TDRP: variants seen among roughly 807,000 people sequenced by gnomAD.
TDRP encodes the protein testis development-related protein.
Under a neutral mutation model 10.5 loss-of-function variants are expected in TDRP, and 12 were observed. That is an observed-to-expected ratio of 1.15 (90% CI 0.73 to 1.86). The LOEUF (loss-of-function observed/expected upper bound fraction) is 1.86, where lower values mean the gene tolerates loss of function less well. TDRP is among the 40% of genes most tolerant of loss of function. TDRP has a pLI of 0.00. For synonymous variants in TDRP, 139 were observed against 95.4 expected (o/e 1.46, Z -2.67); for missense variants, 353 against 229.2 (o/e 1.54, Z -3.49).
rs36052358 is a variant in TDRP at position 494,130 on chromosome 8, A to ATT, written c.212+362_212+363dup. 1.5e-3 allele frequency among the ~76,000 whole-genome samples: 220 copies of ATT among 143,942 alleles called. 1 individual carries two copies. Among genetic ancestry groups the ATT allele is most frequent in the African/African-American group, 4.2e-3 (163 of 38,462 alleles). 94.4% of individuals were successfully genotyped at this position (143,942 alleles called of 152,430 possible). A position where few individuals can be genotyped will look rare whatever the true frequency, so the allele number is the denominator to read the frequency against. On this transcript the variant is annotated intron_variant, in intron 2 of 2. Coordinates refer to ENST00000324079, the MANE Select transcript of TDRP (RefSeq NM_001384899.1). ...TGCCACCATGTCCAGCTAATTTCTG[A>ATT]TTTTTTTTTTTTAGTATAGACGGGG...
intron 1 of TDRP, among the ~76,000 whole-genome samples, chr8:514,351 G>T (rs1454010305): frequency 6.6e-6 from 1 of 152,150 alleles, no homozygotes; most frequent in Non-Finnish European, 1.5e-5. Context: ...ACAATTCAAT[G>T]GGGAAAAAAT....
At position 491,663 on chromosome 8, in the gene TDRP, T is replaced by C. The variant is rs1353335847; in HGVS notation, c.*736A>G. ...CAACTGACTAAAATTGATCCATACT[T>C]CTTTAATCTGTAAACAAAAAAGAGA... On this transcript the variant is annotated 3_prime_UTR_variant, in exon 3 of 3. Coordinates refer to ENST00000324079, the MANE Select transcript of TDRP (RefSeq NM_001384899.1). 6.6e-7 allele frequency: 1 copy of C among 1,521,928 alleles called. No homozygotes were observed. Among genetic ancestry groups the C allele is most frequent in the African/African-American group, 1.4e-5 (1 of 72,308 alleles). 94.3% of individuals were successfully genotyped at this position (1,521,928 alleles called of 1,614,324 possible). A position where few individuals can be genotyped will look rare whatever the true frequency, so the allele number is the denominator to read the frequency against.
At chr8:507,538 G>GGTCAC (rs1801499998) in intron 1 of TDRP, among the ~76,000 whole-genome samples, 1 of 152,094 alleles carries the variant, frequency 6.6e-6, no homozygotes, top group African/African-American at 2.4e-5. Context: ...AGCTGCATGC[G>GGTCAC]GTCACGGACA....
At chr8:509,493 G>A (rs913182990) in intron 1 of TDRP, among the ~76,000 whole-genome samples, 2 of 152,204 alleles carry the variant, frequency 1.3e-5, no homozygotes, top group Non-Finnish European at 2.9e-5. Flanking sequence ...ATTGGGGCTT[G>A]CACACTCTGA....
chr8:530,730 A>G (rs1245182136), intron 1 of TDRP, among the ~76,000 whole-genome samples: 1 of 152,166 alleles, frequency 6.6e-6, no homozygotes, highest in African/African-American at 2.4e-5. Flanking sequence ...CAGCCCCCAG[A>G]CATCCAACAT....
At chr8:521,179 G>A (rs1209685606) in intron 1 of TDRP, among the ~76,000 whole-genome samples, 4 of 144,928 alleles carry the variant, frequency 2.8e-5, no homozygotes, top group Non-Finnish European at 5.9e-5. Flanking sequence ...GAGGCAGGCG[G>A]ATCATGAGGT....
intron 1 of TDRP, among the ~76,000 whole-genome samples, chr8:513,414 C>G (rs962046826): frequency 2.0e-5 from 3 of 152,096 alleles, no homozygotes; most frequent in Admixed American, 2.0e-4. Flanking sequence ...ATATAAGCAT[C>G]TCAATATATG....
rs1475117266 is a variant in TDRP, at chr8:509,122, G to A, written c.109-14525C>T. On this transcript the variant is annotated intron_variant, in intron 1 of 2. Coordinates refer to ENST00000324079, the MANE Select transcript of TDRP (RefSeq NM_001384899.1). Reference sequence around the variant, plus strand: ...CAGCTCCACCCCTGTGGCTTTGCAGGGTATGGCCCCCTGGCGCCAGCTGCT... The same window carrying A: ...CAGCTCCACCCCTGTGGCTTTGCAGAGTATGGCCCCCTGGCGCCAGCTGCT... Among the ~76,000 whole-genome samples, 4 of 152,358 alleles carry A rather than the reference G, an allele frequency of 2.6e-5. No homozygotes were observed. The East Asian group carries it at 7.7e-4, about 29-fold the overall frequency.
intron 1 of TDRP, among the ~76,000 whole-genome samples, chr8:533,316 G>A (rs1802257957): frequency 6.6e-6 from 1 of 152,154 alleles, no homozygotes; most frequent in Non-Finnish European, 1.5e-5. Context: ...AGCCTCATTG[G>A]GCTGCTCCCA....
intron 1 of TDRP, among the ~76,000 whole-genome samples, chr8:520,863 G>A (rs557076798): frequency 1.3e-5 from 2 of 152,126 alleles, no homozygotes; most frequent in Non-Finnish European, 2.9e-5. Context: ...ATATGGCTGA[G>A]AAATATTTAT....
intron 1 of TDRP, among the ~76,000 whole-genome samples, chr8:535,818 G>A (rs1010071702): frequency 2.0e-5 from 3 of 150,268 alleles, no homozygotes; most frequent in South Asian, 2.2e-4. Context: ...GGGCCCACCC[G>A]AGGCAGGTCT....
chr8:542,740 G>A (rs148063614), intron 1 of TDRP, among the ~76,000 whole-genome samples: 2,337 of 151,530 alleles, frequency 0.015, 26 homozygotes, highest in Non-Finnish European at 0.019. Context: ...ACACATGCTC[G>A]TAATCCCAGC....
chr8:529,257 A>C (rs549282073), intron 1 of TDRP, among the ~76,000 whole-genome samples: 40 of 152,342 alleles, frequency 2.6e-4, no homozygotes, highest in African/African-American at 8.7e-4. Context: ...TAACCATCAC[A>C]TCCCCTAAAT....
chr8:516,546 G>C (rs1352113573), intron 1 of TDRP, among the ~76,000 whole-genome samples: 3 of 152,130 alleles, frequency 2.0e-5, no homozygotes, highest in Non-Finnish European at 4.4e-5. Context: ...TGCAAATTAA[G>C]ACAGCAACAA....
At position 508,081 on chromosome 8, in the gene TDRP, TAAC is replaced by T. The variant is rs563547623; in HGVS notation, c.109-13487_109-13485del. On this transcript the variant is annotated intron_variant, in intron 1 of 2. Coordinates refer to ENST00000324079, the MANE Select transcript of TDRP (RefSeq NM_001384899.1). ...CTTCAAAGAACCATTATAAATATGT[TAAC>T]AAAGCTAAAGGAAAGTATGATAAAG... Among the ~76,000 whole-genome samples, 3 of 152,220 alleles carry T rather than the reference TAAC, an allele frequency of 2.0e-5. No individual in the cohort carries two copies. The South Asian group carries it at 6.2e-4, about 32-fold the overall frequency.
At chr8:517,854 T>A (rs1027769721) in intron 1 of TDRP, among the ~76,000 whole-genome samples, 19 of 152,172 alleles carry the variant, frequency 1.2e-4, no homozygotes, top group African/African-American at 4.6e-4. Context: ...AAGAAGCCAA[T>A]CTGAAAAGGC....
intron 1 of TDRP, among the ~76,000 whole-genome samples, chr8:522,843 C>A (rs978758823): frequency 6.6e-6 from 1 of 152,174 alleles, no homozygotes; most frequent in Non-Finnish European, 1.5e-5. Flanking sequence ...CTCCTACTCC[C>A]TTTTAGTAGA....
intron 1 of TDRP, among the ~76,000 whole-genome samples, chr8:540,338 T>C (rs1347333785): frequency 6.6e-6 from 1 of 152,200 alleles, no homozygotes; most frequent in East Asian, 1.9e-4. Flanking sequence ...TGAAGGGAAC[T>C]CAAGGTACAG....
intron 1 of TDRP, among the ~76,000 whole-genome samples, chr8:519,801 G>C (rs1801851837): frequency 6.6e-6 from 1 of 152,208 alleles, no homozygotes; most frequent in South Asian, 2.1e-4. Context: ...GCATTGTCAA[G>C]TGGTATGTGA....
Sources: allele counts gnomAD v4.1 joint callset (sites outside exome capture counted in the v4.1 genomes callset), GRCh38; gene constraint gnomAD v4.1.1; transcripts MANE v1.5; gene names NCBI Gene and HGNC (gene_info 2026-07-23, HGNC 2026-07-21).